The following NEMF variants were observed in gnomAD, a reference collection of about 807,000 sequenced individuals.
NEMF encodes ribosome quality control complex subunit NEMF.
In NEMF, 89 loss-of-function variants were observed where a neutral mutation model predicts 162.2. The observed-to-expected ratio is 0.55, with a 90% CI of 0.46 to 0.65. The LOEUF is 0.65. Among genes scored for constraint, NEMF ranks in the 30% least tolerant of loss-of-function variants. The probability of loss-of-function intolerance (pLI) is 0.00; values close to 1 mark genes in which losing one functional copy is unlikely to be tolerated. For missense variants in NEMF, 1,133 were observed against 1,261.9 expected, an observed-to-expected ratio of 0.90 and a Z score of 1.55; for synonymous variants, 421 against 404.5, an observed-to-expected ratio of 1.04 and a Z score of -0.49.
Position 49,803,696 on chromosome 14 carries a change from T to G in NEMF, c.1858-402A>C, listed in dbSNP as rs568231157. 7.9e-5 allele frequency among the ~76,000 whole-genome samples: 12 copies of G among 152,176 alleles called. No individual in the cohort carries two copies. In the South Asian group the frequency reaches 2.3e-3, roughly 29 times the overall value. On this transcript the variant is annotated intron_variant, in intron 19 of 32. Transcript: ENST00000298310. ...ACGCACCACCATGCCCAGCTGATTTTTGTATTTTTAGTAGAGACGGGGTTT... is the reference window on the plus strand; with the variant it reads ...ACGCACCACCATGCCCAGCTGATTTGTGTATTTTTAGTAGAGACGGGGTTT...
intron 4 of NEMF, among the ~76,000 whole-genome samples, chr14:49,841,603 G>A (rs1390993866): frequency 2.7e-4 from 39 of 144,976 alleles, no homozygotes; most frequent in Non-Finnish European, 1.8e-4. Context: ...AAAAAAAATT[G>A]AGAAAGAAAA....
intron 3 of NEMF, among the ~76,000 whole-genome samples, chr14:49,847,169 C>G (rs1893544794): frequency 6.6e-6 from 1 of 152,064 alleles, no homozygotes; most frequent in African/African-American, 2.4e-5. Flanking sequence ...CAGGCATGAG[C>G]CACTGTGCCC....
intron 15 of NEMF, among the ~76,000 whole-genome samples, chr14:49,826,573 C>T (rs1456905714): frequency 1.4e-5 from 2 of 141,112 alleles, no homozygotes; most frequent in East Asian, 2.1e-4. Flanking sequence ...CCAGCAAGTA[C>T]AGCAAGTAGT....
At chr14:49,851,735 T>C (rs1893786789) in intron 2 of NEMF, 70 bp from the exon 3 acceptor site, 1 of 1,479,064 alleles carries the variant, frequency 6.8e-7, no homozygotes, top group Non-Finnish European at 9.4e-7. Flanking sequence ...AGGCTTAAAA[T>C]GTAGGTTAAA....
At chr14:49,808,322 G>A (rs897369100) in intron 18 of NEMF, among the ~76,000 whole-genome samples, 4 of 151,900 alleles carry the variant, frequency 2.6e-5, no homozygotes, top group Admixed American at 6.6e-5. Flanking sequence ...ACAGGCACCC[G>A]CCATCATACC....
chr14:49,800,537 C>T lies in NEMF; in HGVS notation c.2255G>A (p.Gly752Glu). Residue 752 changes from glycine (G) to glutamate (E), a missense_variant, in exon 23 of 33, where the codon GGA (glycine) becomes GAA (glutamate). Physicochemically the swap from Gly to Glu is moderately conservative, Grantham distance 98. This residue lies in a region of NEMF where 532 missense variants were observed against 578.6 expected (regional missense o/e 0.92). Coordinates refer to ENST00000298310, the MANE Select transcript of NEMF (RefSeq NM_004713.6). The part of the protein sequence containing the change: ...LIQEESSEDE[G>E]EYEEVRKDQD... ...ATCTTTTCTAACCTCTTCATATTCT[C>T]CTTCGTCTTCAGAGCTTTCTTCCTG... The T allele has an allele frequency of 6.2e-7, 1 of 1,614,006 alleles. No individual in the cohort carries two copies. Among genetic ancestry groups the T allele is most frequent in the Non-Finnish European group, 8.5e-7 (1 of 1,179,954 alleles).
intron 4 of NEMF, among the ~76,000 whole-genome samples, chr14:49,842,622 T>C (rs1893270137): frequency 6.6e-6 from 1 of 152,238 alleles, no homozygotes; most frequent in South Asian, 2.1e-4. Context: ...TCATCTGAAA[T>C]GACAGGTTGC....
At chr14:49,830,672 C>T (rs970180887) in intron 11 of NEMF, among the ~76,000 whole-genome samples, 2 of 152,262 alleles carry the variant, frequency 1.3e-5, no homozygotes, top group African/African-American at 4.8e-5. Context: ...AGGCGTGCGC[C>T]ACCGCGCCCA....
At chr14:49,814,096 T>G in intron 17 of NEMF, 46 bp from the exon 18 acceptor site, 1 of 1,146,970 alleles carries the variant, frequency 8.7e-7, no homozygotes. Context: ...TCCTAATTAT[T>G]CTTTTTTCCT....
Position 49,816,023 on chromosome 14 carries a change from C to T in NEMF, c.1578-1166G>A, listed in dbSNP as rs898303662. Among the ~76,000 whole-genome samples the T allele has an allele frequency of 7.9e-5, 12 of 152,036 alleles. 1 individual carries two copies. The highest frequency in any genetic ancestry group is 2.7e-4 in the African/African-American group (11 of 41,408). On this transcript the variant is annotated intron_variant, in intron 16 of 32. Coordinates refer to ENST00000298310, the MANE Select transcript of NEMF (RefSeq NM_004713.6). Reference sequence around the variant, plus strand: ...AAAGATAGTGAGAGATCCTGCATCCCTTCAGTTCCTGTCACTACACCAAAG... The same window carrying T: ...AAAGATAGTGAGAGATCCTGCATCCTTTCAGTTCCTGTCACTACACCAAAG...
chr14:49,820,440 C>A (rs1333858395), intron 16 of NEMF: 1 of 456,554 alleles, frequency 2.2e-6, no homozygotes, highest in Non-Finnish European at 4.4e-6. Flanking sequence ...AGTTCCTTAC[C>A]CTCTCCGTTT....
At chr14:49,792,179 T>C (rs1465654808) in intron 26 of NEMF, among the ~76,000 whole-genome samples, 2 of 151,692 alleles carry the variant, frequency 1.3e-5, no homozygotes, top group African/African-American at 4.8e-5. Flanking sequence ...CCCAAAACAT[T>C]AGGTCTAGTT....
chr14:49,803,283 T>C lies in NEMF; in HGVS notation c.1869A>G (p.Thr623=). Reference sequence around the variant, plus strand: ...TTGTCAAATATTCTCCAGTTGGTGCTGTTTTAGATACCTGAAGAACACAAT... The same window carrying C: ...TTGTCAAATATTCTCCAGTTGGTGCCGTTTTAGATACCTGAAGAACACAAT... ...WWVYHHQVSK[T]APTGEYLTTG... Residue 623 remains threonine (T), a synonymous_variant, in exon 20 of 33, where the codon ACA becomes ACG. Transcript: ENST00000298310. The C allele has an allele frequency of 2.5e-6, 4 of 1,607,064 alleles. No homozygotes were observed. The highest frequency in any genetic ancestry group is 2.6e-6 in the Non-Finnish European group (3 of 1,173,892).
At chr14:49,791,073 C>T (rs1396935183) in intron 26 of NEMF, among the ~76,000 whole-genome samples, 3 of 150,942 alleles carry the variant, frequency 2.0e-5, no homozygotes, top group East Asian at 2.0e-4. Context: ...CAGTGGCTCA[C>T]GCCTGTAATC....
intron 7 of NEMF, among the ~76,000 whole-genome samples, chr14:49,833,867 A>T (rs1391945887): frequency 6.6e-6 from 1 of 152,218 alleles, no homozygotes; most frequent in Non-Finnish European, 1.5e-5. Flanking sequence ...GGTTACACAG[A>T]CAGTAATAAA....
chr14:49,787,378 G>T (rs930215650), intron 28 of NEMF, among the ~76,000 whole-genome samples: 2 of 152,196 alleles, frequency 1.3e-5, no homozygotes, highest in African/African-American at 2.4e-5. Flanking sequence ...TGTCTGATAA[G>T]GGCTTGCCTC....
At chr14:49,790,331 C>A (rs577063298) in intron 26 of NEMF, among the ~76,000 whole-genome samples, 1 of 152,060 alleles carries the variant, frequency 6.6e-6, no homozygotes, top group Admixed American at 6.6e-5. Flanking sequence ...TGCAGAGAAC[C>A]CTTATACATC....
intron 26 of NEMF, among the ~76,000 whole-genome samples, chr14:49,794,884 A>C (rs1890619929): frequency 6.6e-6 from 1 of 151,814 alleles, no homozygotes; most frequent in Non-Finnish European, 1.5e-5. Flanking sequence ...ATGCCTGGCT[A>C]ATTTTTCTAT....
intron 8 of NEMF, among the ~76,000 whole-genome samples, chr14:49,833,052 G>A (rs796934159): frequency 2.0e-5 from 3 of 152,136 alleles, no homozygotes; most frequent in East Asian, 1.9e-4. Flanking sequence ...GATCACTTGA[G>A]GTCAGGAGTT....
Sources: allele counts gnomAD v4.1 joint callset (sites outside exome capture counted in the v4.1 genomes callset), GRCh38; gene constraint gnomAD v4.1.1; regional missense constraint gnomAD v4.1.1; transcripts MANE v1.5; gene names NCBI Gene and HGNC (gene_info 2026-07-23, HGNC 2026-07-21).